The following TMEM178B variants were observed in gnomAD, a reference collection of about 807,000 sequenced individuals.
TMEM178B encodes the protein transmembrane protein 178B.
Under a neutral mutation model 31.0 loss-of-function variants are expected in TMEM178B, and 5 were observed. The ratio of observed to expected loss-of-function variants is 0.16; its 90% CI spans 0.08 to 0.34. TMEM178B has a LOEUF of 0.34. Ranked by LOEUF, TMEM178B falls within the 10% of genes least tolerant of loss-of-function variation. The pLI is 1.00. For synonymous variants in TMEM178B, 164 were observed against 164.0 expected (o/e 1.00, Z 0.00); for missense variants, 275 against 400.3 (o/e 0.69, Z 2.67).
intron 2 of TMEM178B, among the ~76,000 whole-genome samples, chr7:141,349,967 C>G (rs1000681279): frequency 2.0e-4 from 23 of 113,402 alleles, no homozygotes; most frequent in Non-Finnish European, 2.7e-4. Context: ...ATCCATCCAT[C>G]CATCCATCCA....
intron 2 of TMEM178B, among the ~76,000 whole-genome samples, chr7:141,374,612 A>G (rs774142969): frequency 1.3e-5 from 2 of 152,196 alleles, no homozygotes; most frequent in African/African-American, 2.4e-5. Context: ...AGTCTCTTCC[A>G]TCTGCGAAAC....
chr7:141,081,531 G>T (rs892058873), intron 1 of TMEM178B, among the ~76,000 whole-genome samples: 2 of 152,094 alleles, frequency 1.3e-5, no homozygotes, highest in East Asian at 3.9e-4. Flanking sequence ...AGCTACTTGG[G>T]AGGCTGAGGC....
In TMEM178B at chr7:141,176,567, G is replaced by A. The variant is rs866243848; in HGVS notation, c.383-36024G>A. On this transcript the variant is annotated intron_variant, in intron 1 of 3. Transcript: ENST00000565468. Reference sequence around the variant, plus strand: ...CCTCTTTGTACCTCTGGTAGAATTCGGCTGTGAATCCGTCTGGTCCTGGAC... The same window carrying A: ...CCTCTTTGTACCTCTGGTAGAATTCAGCTGTGAATCCGTCTGGTCCTGGAC... Among the ~76,000 whole-genome samples, 217 of 152,242 alleles carry A rather than the reference G, an allele frequency of 1.4e-3. 1 individual carries two copies. The highest frequency in any genetic ancestry group is 6.8e-3 in the Middle Eastern group (2 of 294).
chr7:141,360,315 G>A (rs1799895726), intron 2 of TMEM178B, among the ~76,000 whole-genome samples: 1 of 152,198 alleles, frequency 6.6e-6, no homozygotes, highest in African/African-American at 2.4e-5. Context: ...GCCAGCCATG[G>A]TAATCCCATT....
At chr7:141,249,919 T>C (rs1038714914) in intron 2 of TMEM178B, among the ~76,000 whole-genome samples, 5 of 152,222 alleles carry the variant, frequency 3.3e-5, no homozygotes, top group Non-Finnish European at 2.9e-5. Flanking sequence ...TTAGTGGAGA[T>C]GATTAATTCA....
chr7:141,284,494 T>C (rs1203272189), intron 2 of TMEM178B, among the ~76,000 whole-genome samples: 1 of 152,232 alleles, frequency 6.6e-6, no homozygotes, highest in Non-Finnish European at 1.5e-5. Flanking sequence ...TCCTAACATT[T>C]TTATTTGTCT....
chr7:141,230,422 G>A (rs1431584304), intron 2 of TMEM178B, among the ~76,000 whole-genome samples: 3 of 152,134 alleles, frequency 2.0e-5, no homozygotes, highest in Admixed American at 1.3e-4. Flanking sequence ...TATAAGAAAG[G>A]TTGAATTTAA....
chr7:141,086,845 G>A (rs1030321294), intron 1 of TMEM178B, among the ~76,000 whole-genome samples: 7 of 151,942 alleles, frequency 4.6e-5, no homozygotes, highest in Non-Finnish European at 5.9e-5. Context: ...CTGCCACCAC[G>A]CCCAGCTGAT....
In TMEM178B at chr7:141,151,042, C is replaced by T. The variant is rs562469202; in HGVS notation, c.383-61549C>T. ...TACATCTCAGAGACCAAATGTCATT[C>T]ATTTAATTATTCCTTCAACAAATAT... is the stretch of plus-strand genomic sequence containing the variant. On this transcript the variant is annotated intron_variant, in intron 1 of 3. Transcript: ENST00000565468. 2.0e-5 allele frequency among the ~76,000 whole-genome samples: 3 copies of T among 152,298 alleles called. No homozygotes were observed. The East Asian group carries it at 5.8e-4, about 29-fold the overall frequency.
intron 2 of TMEM178B, among the ~76,000 whole-genome samples, chr7:141,224,847 A>G (rs1182736919): frequency 6.6e-6 from 1 of 152,184 alleles, no homozygotes; most frequent in Non-Finnish European, 1.5e-5. Context: ...AGTCTCCTGA[A>G]TGAGGTTGAA....
Position 141,414,131 on chromosome 7 carries a change from C to T in TMEM178B, c.497-23477C>T, listed in dbSNP as rs1212637414. On this transcript the variant is annotated intron_variant, in intron 2 of 3. Transcript: ENST00000565468. ...ACGGAGTCCCGCTGTTTAGCCCAGGCCGGATTGCAGTGGCGCAATCTCGGC... is the reference window on the plus strand; with the variant it reads ...ACGGAGTCCCGCTGTTTAGCCCAGGTCGGATTGCAGTGGCGCAATCTCGGC... 8.8e-4 allele frequency among the ~76,000 whole-genome samples: 14 copies of T among 15,870 alleles called. 5 individuals carry two copies. Among genetic ancestry groups the T allele is most frequent in the Non-Finnish European group, 7.8e-4 (8 of 10,284 alleles). 10.4% of individuals were successfully genotyped at this position (15,870 alleles called of 152,430 possible).
chr7:141,333,413 A>G (rs1377628235), intron 2 of TMEM178B, among the ~76,000 whole-genome samples: 2 of 152,334 alleles, frequency 1.3e-5, no homozygotes, highest in East Asian at 3.9e-4. Context: ...GCTCCCACAC[A>G]ATCATTAGCA....
intron 1 of TMEM178B, among the ~76,000 whole-genome samples, chr7:141,108,469 G>A (rs569106286): frequency 1.3e-5 from 2 of 152,274 alleles, no homozygotes; most frequent in African/African-American, 4.8e-5. Flanking sequence ...GGTTAGACTC[G>A]TGCTGTTAGG....
intron 2 of TMEM178B, among the ~76,000 whole-genome samples, chr7:141,436,035 C>G (rs904633916): frequency 2.0e-5 from 3 of 152,114 alleles, no homozygotes; most frequent in Non-Finnish European, 2.9e-5. Context: ...CCTCCCTGGC[C>G]GGGGGCTGTC....
At chr7:141,189,591 A>G (rs1353037201) in intron 1 of TMEM178B, among the ~76,000 whole-genome samples, 1 of 152,174 alleles carries the variant, frequency 6.6e-6, no homozygotes, top group East Asian at 1.9e-4. Context: ...GTCATGGGAG[A>G]ATAAAGCAGA....
At chr7:141,083,793 A>AG (rs1794731109) in intron 1 of TMEM178B, among the ~76,000 whole-genome samples, 1 of 152,214 alleles carries the variant, frequency 6.6e-6, no homozygotes, top group African/African-American at 2.4e-5. Context: ...GGAAAAAAAA[A>AG]TACATTTAAA....
intron 2 of TMEM178B, among the ~76,000 whole-genome samples, chr7:141,271,773 A>G (rs1798189773): frequency 1.3e-5 from 2 of 152,192 alleles, no homozygotes; most frequent in Non-Finnish European, 2.9e-5. Context: ...GGTGCTGCCT[A>G]GTGCTTCACT....
At chr7:141,248,133 G>A (rs1266805042) in intron 2 of TMEM178B, among the ~76,000 whole-genome samples, 3 of 151,856 alleles carry the variant, frequency 2.0e-5, no homozygotes, top group South Asian at 4.2e-4. Flanking sequence ...ATACGTGGCC[G>A]GGCACAGTAG....
chr7:141,309,558 T>C (rs1342871623), intron 2 of TMEM178B, among the ~76,000 whole-genome samples: 1 of 152,238 alleles, frequency 6.6e-6, no homozygotes, highest in Non-Finnish European at 1.5e-5. Flanking sequence ...AATATGATTA[T>C]GTGTGCTTAT....
Sources: gnomAD v4.1 joint callset for allele counts (sites outside exome capture counted in the v4.1 genomes callset) on GRCh38, gnomAD v4.1.1 for gene constraint, MANE v1.5 for transcripts, NCBI Gene and HGNC (gene_info 2026-07-23, HGNC 2026-07-21) for gene names.